The following NBPF26 variants were observed in gnomAD, a reference collection of about 807,000 sequenced individuals.
NBPF26 encodes NBPF family member NBPF26.
Under a neutral mutation model 119.6 loss-of-function variants are expected in NBPF26, and 79 were observed. That is an observed-to-expected ratio of 0.66 (90% CI 0.55 to 0.80). The LOEUF is 0.80. Among genes scored for constraint, NBPF26 ranks in the 30% least tolerant of loss-of-function variants. The pLI is 0.00. For missense variants in NBPF26, 800 were observed against 1,198.2 expected, an observed-to-expected ratio of 0.67 and a Z score of 4.91; for synonymous variants, 299 against 457.7, an observed-to-expected ratio of 0.65 and a Z score of 4.43.
Position 120,820,445 on chromosome 1 carries a change from AAAATATAT to A in NBPF26, c.2424-1657_2424-1650del, listed in dbSNP as rs1652104539. ...ATGTACCCTAAGACTTAAAGTATTA[AAAATATAT>A]ATATATATATATATATATATATATA... On this transcript the variant is annotated intron_variant, in intron 15 of 29. Transcript: ENST00000620612. Among the ~76,000 whole-genome samples, 4 of 18,948 alleles carry A rather than the reference AAAATATAT, an allele frequency of 2.1e-4. 1 individual carries two copies. Among genetic ancestry groups the A allele is most frequent in the Middle Eastern group, 0.05 (2 of 40 alleles). The allele number at this position is 18,948 out of a possible 152,430, so 12.4% of individuals were successfully genotyped here. A position where few individuals can be genotyped will look rare whatever the true frequency, so the allele number is the denominator to read the frequency against.
At chr1:120,814,745 T>C in intron 11 of NBPF26, 84 bp from the exon 12 acceptor site, 1 of 882,578 alleles carries the variant, frequency 1.1e-6, no homozygotes, top group Non-Finnish European at 1.8e-6. Context: ...CTTGAGGACA[T>C]TGTCTCAGAA....
chr1:120,805,630 G>A, exon 5 of NBPF26: 1 of 1,463,070 alleles, frequency 6.8e-7, no homozygotes, highest in East Asian at 2.3e-5. Context: ...TGAGAAGGCA[G>A]AGATGAACAT....
Position 120,793,842 on chromosome 1 carries a change from G to A in NBPF26, c.751+346G>A, listed in dbSNP as rs1651524276. On this transcript the variant is annotated intron_variant, in intron 4 of 29. Transcript: ENST00000620612. ...ATGAGAATTAGACACTGGAAAATAT[G>A]TATGTGTGGTTAATAAAGTGCTTTA... 9.1e-6 allele frequency: 6 copies of A among 656,184 alleles called. 1 individual carries two copies. Among genetic ancestry groups the A allele is most frequent in the African/African-American group, 9.3e-5 (2 of 21,532 alleles). The allele number at this position is 656,184 out of a possible 1,614,324, so 40.6% of individuals were successfully genotyped here. A position where few individuals can be genotyped will look rare whatever the true frequency, so the allele number is the denominator to read the frequency against.
intron 10 of NBPF26, among the ~76,000 whole-genome samples, chr1:120,813,327 C>T (rs1206122439): frequency 7.8e-6 from 1 of 127,852 alleles, no homozygotes; most frequent in Non-Finnish European, 1.6e-5. Flanking sequence ...ACTTTATTAA[C>T]ATTTGGGCAT....
At chr1:120,825,141 T>C (rs1652233014) in intron 18 of NBPF26, among the ~76,000 whole-genome samples, 2 of 121,848 alleles carry the variant, frequency 1.6e-5, no homozygotes, top group South Asian at 4.6e-4. Flanking sequence ...AAAGGCTGTA[T>C]GGCAACTGCA....
At chr1:120,732,417 AC>A in intron 1 of NBPF26, among the ~76,000 whole-genome samples, 1 of 106,772 alleles carries the variant, frequency 9.4e-6, no homozygotes, top group East Asian at 2.2e-4. Context: ...ATGAATAATC[AC>A]AAAACTAGAT....
chr1:120,762,468 C>G (rs1374270064), intron 1 of NBPF26, among the ~76,000 whole-genome samples: 1 of 107,732 alleles, frequency 9.3e-6, no homozygotes, highest in African/African-American at 5.2e-5. Context: ...GGCCTAGCGT[C>G]TCTCTGATCT....
chr1:120,840,473 G>A lies in NBPF26; in HGVS notation c.4227G>A (p.Val1409=), dbSNP rs1553273511. ...ACTCATTCCAGCACTACAGAAGTGTGTTTTACTCATTTGAGGAAGAGCATA... is the reference window on the plus strand; with the variant it reads ...ACTCATTCCAGCACTACAGAAGTGTATTTTACTCATTTGAGGAAGAGCATA... The change falls in exon 30 of 30, where the codon GTG becomes GTA. Residue 1409 remains valine, a synonymous_variant. Transcript: ENST00000620612. 8 of 1,479,670 alleles carry A rather than the reference G, an allele frequency of 5.4e-6. 1 individual carries two copies. Among genetic ancestry groups the A allele is most frequent in the South Asian group, 1.2e-5 (1 of 85,032 alleles). The allele number at this position is 1,479,670 out of a possible 1,614,324, so 91.7% of individuals were successfully genotyped here. A position where few individuals can be genotyped will look rare whatever the true frequency, so the allele number is the denominator to read the frequency against.
rs1372908101 is a variant in NBPF26 at position 120,822,960 on chromosome 1, T to A, written c.2588-349T>A. The stretch of plus-strand genomic sequence containing the variant: ...ATCTCATAAACTATCAAATTCTGGG[T>A]ATTTAATGAGAAAAGCCTAATATTG... On this transcript the variant is annotated intron_variant, in intron 16 of 29. Transcript: ENST00000620612. 1.6e-5 allele frequency among the ~76,000 whole-genome samples: 2 copies of A among 126,300 alleles called. 1 individual carries two copies. The highest frequency in any genetic ancestry group is 3.2e-5 in the Non-Finnish European group (2 of 61,792). 82.9% of individuals were successfully genotyped at this position (126,300 alleles called of 152,430 possible). A position where few individuals can be genotyped will look rare whatever the true frequency, so the allele number is the denominator to read the frequency against.
intron 15 of NBPF26, among the ~76,000 whole-genome samples, chr1:120,820,447 A>AAT (rs1229895629): frequency 0.043 from 466 of 10,790 alleles, 20 homozygotes; most frequent in Non-Finnish European, 0.046. Flanking sequence ...AAGTATTAAA[A>AAT]ATATATATAT....
rs1470163567 is a variant in NBPF26 at position 120,815,388 on chromosome 1, C to A, written c.2092+345C>A. ...AATGAAGGTTCCCAGGCTGTCTTTT[C>A]GACAATGTTCTTAGTAACTGTCAGA... On this transcript the variant is annotated intron_variant, in intron 12 of 29. Transcript: ENST00000620612. Among the ~76,000 whole-genome samples the A allele has an allele frequency of 1.7e-5, 2 of 114,534 alleles. 1 individual carries two copies. The highest frequency in any genetic ancestry group is 3.3e-5 in the Non-Finnish European group (2 of 60,306). 75.1% of individuals were successfully genotyped at this position (114,534 alleles called of 152,430 possible).
rs1553271072 is a variant in NBPF26, at chr1:120,812,064, C to T, written c.1743C>T (p.Ala581=). The change falls in exon 10 of 30, where the codon GCC becomes GCT. Residue 581 remains alanine (A), a synonymous_variant. Coordinates refer to ENST00000620612, the Ensembl canonical transcript of NBPF26. ...AGAAATGTTTTCTAACTCAACTGGC[C>T]GGCTTCCTGGCCAACCAGCAGAACA... The T allele has an allele frequency of 1.1e-4, 135 of 1,280,864 alleles. 28 individuals carry two copies. The East Asian group carries it at 2.8e-3, about 26-fold the overall frequency. 79.3% of individuals were successfully genotyped at this position (1,280,864 alleles called of 1,614,324 possible).
chr1:120,793,292 G>T (rs1276779433), exon 4 of NBPF26: 13 of 1,395,402 alleles, frequency 9.3e-6, no homozygotes, highest in Non-Finnish European at 1.3e-5. Flanking sequence ...TGAGACTGAT[G>T]TCAATGAGTG....
At position 120,763,412 on chromosome 1, in the gene NBPF26, G is replaced by A. The variant is rs1651154245; in HGVS notation, c.74-216G>A. On this transcript the variant is annotated intron_variant, in intron 1 of 29. Coordinates refer to ENST00000620612, the Ensembl canonical transcript of NBPF26. ...GATACTAAAACACAGAGAAATAAGA[G>A]CATCATTCAAGACCACAAATGTGGT... Among the ~76,000 whole-genome samples the A allele has an allele frequency of 2.8e-5, 3 of 107,644 alleles. 1 individual carries two copies. Among genetic ancestry groups the A allele is most frequent in the Non-Finnish European group, 5.2e-5 (3 of 58,108 alleles). 70.6% of individuals were successfully genotyped at this position (107,644 alleles called of 152,430 possible). A position where few individuals can be genotyped will look rare whatever the true frequency, so the allele number is the denominator to read the frequency against.
At position 120,793,271 on chromosome 1, in the gene NBPF26, G is replaced by A. The variant is rs1651513504; in HGVS notation, c.526G>A (p.Gly176Arg). The A allele has an allele frequency of 7.2e-6, 10 of 1,397,744 alleles. 1 individual carries two copies. Among genetic ancestry groups the A allele is most frequent in the Admixed American group, 2.0e-5 (1 of 50,844 alleles). The allele number at this position is 1,397,744 out of a possible 1,614,324, so 86.6% of individuals were successfully genotyped here. Residue 176 changes from glycine (G) to arginine (R), a missense_variant, in exon 4 of 30, where the codon GGG becomes AGG. Around this residue, in one of 13 missense-constraint regions of NBPF26, gnomAD observed 209 missense variants for 285.2 expected, o/e 0.73. Transcript: ENST00000620612. ...CTGCAAATGCCTCACAGGCTTCACA[G>A]GGCAGAAGTGTGAGACTGATGTCAA...
intron 5 of NBPF26, among the ~76,000 whole-genome samples, chr1:120,806,303 A>T (rs1388794853): frequency 8.5e-6 from 1 of 117,776 alleles, no homozygotes; most frequent in Non-Finnish European, 1.7e-5. Context: ...CATCAAGAGC[A>T]GGGAGTAGGG....
chr1:120,817,415 ATTTTTTTTTTTTTTT>A, intron 14 of NBPF26, among the ~76,000 whole-genome samples: 1 of 1,098 alleles, frequency 9.1e-4, no homozygotes, highest in Non-Finnish European at 1.5e-3. Flanking sequence ...AGCATCGTGG[ATTTTTTTTTTTTTTT>A]TTTTTTTTTT....
intron 1 of NBPF26, among the ~76,000 whole-genome samples, 185 bp downstream of exon 1, chr1:120,724,435 A>T (rs1195083387): frequency 1.7e-5 from 2 of 120,166 alleles, no homozygotes; most frequent in Non-Finnish European, 3.3e-5. Context: ...TGCCCCGCCA[A>T]CCGCTGGGGT....
rs1256974530 is a variant in NBPF26 at position 120,806,353 on chromosome 1, G to T, written c.961+588G>T. ...CTCACTCCTATAATCTCAGCACTTT[G>T]GGAGGCTGAGGCGGGCAGAGCACGA... On this transcript the variant is annotated intron_variant, in intron 5 of 29. Coordinates refer to ENST00000620612, the Ensembl canonical transcript of NBPF26. Among the ~76,000 whole-genome samples, 9 of 110,662 alleles carry T rather than the reference G, an allele frequency of 8.1e-5. 3 individuals are homozygous for T. The highest frequency in any genetic ancestry group is 1.1e-4 in the Non-Finnish European group (6 of 56,172). 72.6% of individuals were successfully genotyped at this position (110,662 alleles called of 152,430 possible).
Sources: allele counts gnomAD v4.1 joint callset (sites outside exome capture counted in the v4.1 genomes callset), GRCh38; gene constraint gnomAD v4.1.1; regional missense constraint gnomAD v4.1.1; transcripts MANE v1.5; gene names NCBI Gene and HGNC (gene_info 2026-07-23, HGNC 2026-07-21).